Variants in SAMD5 observed in about 807,000 individuals in gnomAD.
SAMD5 encodes sterile alpha motif domain containing 5.
SAMD5 carries 13 observed loss-of-function variants against 11.3 expected under a neutral mutation model. That is an observed-to-expected ratio of 1.15 (90% CI 0.75 to 1.83). SAMD5 has a LOEUF of 1.83. Among genes scored for constraint, SAMD5 ranks in the 40% most tolerant of loss-of-function variants. The pLI is 0.00. For missense variants in SAMD5, 255 were observed against 239.1 expected (o/e 1.07, Z -0.44); for synonymous variants, 129 against 111.3 (o/e 1.16, Z -1.00).
intron 1 of SAMD5, among the ~76,000 whole-genome samples, chr6:147,558,043 G>T (rs556665932): frequency 6.6e-6 from 1 of 152,184 alleles, no homozygotes; most frequent in African/African-American, 2.4e-5. Flanking sequence ...ATTAGCAGCC[G>T]TTTGCTGCTG....
intron 1 of SAMD5, among the ~76,000 whole-genome samples, chr6:147,598,812 G>A (rs1383037250): frequency 1.3e-5 from 2 of 152,212 alleles, no homozygotes; most frequent in Non-Finnish European, 2.9e-5. Context: ...TCCTGAAGGT[G>A]TGTCCCAAGT....
the SAMD5 span, among the ~76,000 whole-genome samples, chr6:147,912,771 G>A: frequency 5.9e-5 from 9 of 152,046 alleles, no homozygotes; most frequent in Admixed American, 2.6e-4. Flanking sequence ...CACCAGGAAC[G>A]GATACAGAGT....
chr6:147,560,890 A>G (rs767574189), intron 1 of SAMD5, among the ~76,000 whole-genome samples: 7 of 152,186 alleles, frequency 4.6e-5, no homozygotes, highest in Non-Finnish European at 1.0e-4. Flanking sequence ...GAACAAATGA[A>G]ACTGAGAAAG....
chr6:147,891,003 T>C, the SAMD5 span, among the ~76,000 whole-genome samples: 1 of 152,208 alleles, frequency 6.6e-6, no homozygotes, highest in Non-Finnish European at 1.5e-5. Context: ...CCCCGTATGA[T>C]TGCATATGGA....
chr6:147,829,511 T>C, the SAMD5 span, among the ~76,000 whole-genome samples: 2 of 152,374 alleles, frequency 1.3e-5, no homozygotes, highest in Admixed American at 6.5e-5. Context: ...TTATTTTTGC[T>C]AAAATCTGGT....
chr6:147,606,417 A>C (rs1316777322), intron 1 of SAMD5, among the ~76,000 whole-genome samples: 1 of 152,254 alleles, frequency 6.6e-6, no homozygotes, highest in African/African-American at 2.4e-5. Flanking sequence ...ACAAAAAAAA[A>C]AGCCATGGGT....
chr6:147,880,087 T>C, the SAMD5 span, among the ~76,000 whole-genome samples: 4 of 152,348 alleles, frequency 2.6e-5, no homozygotes, highest in African/African-American at 7.2e-5. Flanking sequence ...TGTCATTTTA[T>C]TTAATCTTCA....
downstream of SAMD5, among the ~76,000 whole-genome samples, chr6:147,570,991 A>G (rs79180144): frequency 0.014 from 2,058 of 152,252 alleles, 30 homozygotes; most frequent in Middle Eastern, 0.024. Context: ...CTCCTTCAAA[A>G]AAGACTCATT....
the SAMD5 span, among the ~76,000 whole-genome samples, chr6:147,755,874 A>G: frequency 2.0e-5 from 3 of 152,180 alleles, no homozygotes; most frequent in African/African-American, 4.8e-5. Flanking sequence ...TATAGAATAT[A>G]TGTTAAGTTA....
the SAMD5 span, among the ~76,000 whole-genome samples, chr6:147,842,856 A>G: frequency 7.2e-5 from 11 of 152,324 alleles, no homozygotes; most frequent in African/African-American, 2.6e-4. Context: ...GTTATTTAAC[A>G]TGTCAAAAAT....
chr6:147,834,334 G>A, the SAMD5 span, among the ~76,000 whole-genome samples: 2 of 152,178 alleles, frequency 1.3e-5, no homozygotes, highest in Admixed American at 6.5e-5. Flanking sequence ...TGACTGATCT[G>A]TCATTAGGTA....
chr6:147,798,444 G>A, the SAMD5 span, among the ~76,000 whole-genome samples: 55,124 of 139,004 alleles, frequency 0.4, 12,925 homozygotes, highest in African/African-American at 0.65. Context: ...AGTTTGTTAT[G>A]ATCTCTGTTC....
intron 1 of SAMD5, among the ~76,000 whole-genome samples, chr6:147,557,579 C>T (rs999707685): frequency 1.3e-5 from 2 of 152,200 alleles, no homozygotes; most frequent in Non-Finnish European, 2.9e-5. Flanking sequence ...TCCCTGTGTC[C>T]TCTCCTCTCC....
At chr6:147,810,194 G>A in the SAMD5 span, among the ~76,000 whole-genome samples, 1,762 of 152,186 alleles carry the variant, frequency 0.012, 38 homozygotes, top group African/African-American at 0.041. Flanking sequence ...TTATAATCAC[G>A]TAACACATTT....
At chr6:147,896,027 CTTATT>C in the SAMD5 span, among the ~76,000 whole-genome samples, 3 of 152,176 alleles carry the variant, frequency 2.0e-5, no homozygotes, top group Non-Finnish European at 4.4e-5. Flanking sequence ...CTTCCACAAA[CTTATT>C]TTATCTTCAA....
chr6:147,665,802 T>C (rs1463441085), intron 1 of SAMD5, among the ~76,000 whole-genome samples: 1 of 152,252 alleles, frequency 6.6e-6, no homozygotes, highest in Non-Finnish European at 1.5e-5. Context: ...TCTTTTTCTG[T>C]GAAAGTCTTA....
intron 1 of SAMD5, among the ~76,000 whole-genome samples, chr6:147,522,151 C>T (rs1788264418): frequency 6.6e-6 from 1 of 152,130 alleles, no homozygotes; most frequent in Non-Finnish European, 1.5e-5. Flanking sequence ...AATCTTATCT[C>T]CTACTTTACA....
the SAMD5 span, among the ~76,000 whole-genome samples, chr6:147,918,688 CTTT>C: frequency 2.0e-5 from 2 of 99,418 alleles, no homozygotes; most frequent in Non-Finnish European, 1.9e-5. Flanking sequence ...CACAAGCATT[CTTT>C]TTTTTTTTTT....
intron 1 of SAMD5, among the ~76,000 whole-genome samples, chr6:147,591,890 G>A (rs1354968744): frequency 2.0e-5 from 3 of 152,000 alleles, no homozygotes; most frequent in Admixed American, 6.6e-5. Context: ...TCTGAGAAGG[G>A]CTCAGGAGGC....
Sources: allele counts gnomAD v4.1 joint callset (sites outside exome capture counted in the v4.1 genomes callset), GRCh38; gene constraint gnomAD v4.1.1; transcripts MANE v1.5; gene names NCBI Gene and HGNC (gene_info 2026-07-23, HGNC 2026-07-21).